The following GRM5 variants were observed in gnomAD, a reference collection of about 807,000 sequenced individuals.
GRM5 encodes the protein metabotropic glutamate receptor 5.
A neutral mutation model predicts 83.1 loss-of-function variants in GRM5; 19 were observed. The observed-to-expected ratio is 0.23, with a 90% CI of 0.16 to 0.34. The LOEUF is 0.34. Ranked by LOEUF, GRM5 falls within the 10% of genes least tolerant of loss-of-function variation. GRM5 has a pLI of 1.00. For missense variants in GRM5, 1,160 were observed against 1,588.3 expected (o/e 0.73, Z 4.58); for synonymous variants, 675 against 633.6 (o/e 1.07, Z -0.98).
In GRM5 at chr11:88,902,054, C is replaced by A. The variant is rs571871840; in HGVS notation, c.662-51899G>T. ...CTTTATTCTTTATGGTTTAGACGAT[C>A]CCCTGAGAAGGTCCCAAAATGCCGT... On this transcript the variant is annotated intron_variant, in intron 2 of 9. Transcript: ENST00000305447. Among the ~76,000 whole-genome samples the A allele has an allele frequency of 1.4e-3, 207 of 152,194 alleles. 1 individual carries two copies. Among genetic ancestry groups the A allele is most frequent in the Middle Eastern group, 3.4e-3 (1 of 294 alleles).
At chr11:88,978,474 T>TAAAAAAAAAAAAAA (rs200343438) in intron 2 of GRM5, among the ~76,000 whole-genome samples, 3 of 97,988 alleles carry the variant, frequency 3.1e-5, no homozygotes, top group Non-Finnish European at 6.3e-5. Flanking sequence ...CAGATGAGCT[T>TAAAAAAAAAAAAAA]AAAAAAAAAA....
chr11:88,787,320 G>A (rs896916438), intron 3 of GRM5, among the ~76,000 whole-genome samples: 3 of 151,768 alleles, frequency 2.0e-5, no homozygotes, highest in Admixed American at 2.0e-4. Flanking sequence ...AAATATCCAG[G>A]GCAGGAAAGA....
intron 3 of GRM5, among the ~76,000 whole-genome samples, chr11:88,785,845 G>T (rs116248487): frequency 6.6e-6 from 1 of 152,202 alleles, no homozygotes; most frequent in African/African-American, 2.4e-5. Context: ...TTCAGGCAGG[G>T]TGGAAAGTAA....
intron 2 of GRM5, among the ~76,000 whole-genome samples, chr11:88,987,507 C>G (rs1471475330): frequency 2.0e-5 from 3 of 151,904 alleles, no homozygotes; most frequent in African/African-American, 7.3e-5. Context: ...TGGAGCCCAC[C>G]ACAGCTCAAG....
At chr11:88,988,709 C>T (rs1461617870) in intron 2 of GRM5, among the ~76,000 whole-genome samples, 1 of 151,540 alleles carries the variant, frequency 6.6e-6, no homozygotes, top group Non-Finnish European at 1.5e-5. Flanking sequence ...CAATACTCAA[C>T]ATTCTTAAAG....
intron 4 of GRM5, among the ~76,000 whole-genome samples, chr11:88,618,537 C>T (rs1938545050): frequency 1.3e-5 from 2 of 151,272 alleles, no homozygotes; most frequent in Admixed American, 1.3e-4. Context: ...TTATTGAGTA[C>T]TTACTGCATG....
intron 2 of GRM5, among the ~76,000 whole-genome samples, chr11:88,997,454 TAAC>T (rs1161369842): frequency 7.0e-6 from 1 of 142,590 alleles, no homozygotes; most frequent in Non-Finnish European, 1.5e-5. Flanking sequence ...ATAAATATAA[TAAC>T]AAAAATTAAT....
At position 88,868,754 on chromosome 11, in the gene GRM5, G is replaced by A. The variant is rs140057218; in HGVS notation, c.662-18599C>T. On this transcript the variant is annotated intron_variant, in intron 2 of 9. Transcript: ENST00000305447. ...TCAGTAGTTTTTCCAAAGTAACAGC[G>A]TCTTAGTACTTCTTAAAAACATGGT... Among the ~76,000 whole-genome samples, 1,366 of 151,774 alleles carry A rather than the reference G, an allele frequency of 9.0e-3. 13 individuals are homozygous for A. Among genetic ancestry groups the A allele is most frequent in the African/African-American group, 0.024 (991 of 41,482 alleles).
chr11:88,808,464 C>T (rs1397202721), intron 3 of GRM5, among the ~76,000 whole-genome samples: 1 of 151,868 alleles, frequency 6.6e-6, no homozygotes, highest in East Asian at 1.9e-4. Flanking sequence ...TTTAATGTTT[C>T]CACTATACAG....
intron 2 of GRM5, among the ~76,000 whole-genome samples, chr11:88,978,111 A>G (rs112596626): frequency 1.3e-5 from 2 of 152,202 alleles, no homozygotes; most frequent in African/African-American, 4.8e-5. Flanking sequence ...AGCCTGCTCT[A>G]AAATACAAGA....
chr11:88,880,453 T>C (rs778371827), intron 2 of GRM5, among the ~76,000 whole-genome samples: 18 of 152,158 alleles, frequency 1.2e-4, no homozygotes, highest in African/African-American at 4.3e-4. Flanking sequence ...GGACCCCAAA[T>C]TGGCATAGTT....
intron 7 of GRM5, among the ~76,000 whole-genome samples, chr11:88,573,917 T>C (rs574239464): frequency 6.6e-6 from 1 of 152,366 alleles, no homozygotes; most frequent in South Asian, 2.1e-4. Flanking sequence ...GATCCTTTAA[T>C]ATTTTTTCTT....
intron 2 of GRM5, among the ~76,000 whole-genome samples, chr11:88,977,045 T>C (rs1352886169): frequency 2.0e-5 from 3 of 151,718 alleles, no homozygotes; most frequent in Admixed American, 2.0e-4. Context: ...GTGGGGAGAT[T>C]TAGAGTCTAG....
At chr11:88,635,701 T>A (rs1939098817) in intron 4 of GRM5, among the ~76,000 whole-genome samples, 1 of 152,208 alleles carries the variant, frequency 6.6e-6, no homozygotes. Context: ...AAATTCCTTG[T>A]CTATTTTTGT....
chr11:88,639,087 T>A (rs1407583486), intron 4 of GRM5, among the ~76,000 whole-genome samples: 1 of 152,178 alleles, frequency 6.6e-6, no homozygotes, highest in Non-Finnish European at 1.5e-5. Flanking sequence ...TTTTCCCTAA[T>A]ATTTAATGCT....
chr11:89,043,160 C>T (rs1489618329), intron 2 of GRM5, among the ~76,000 whole-genome samples: 7 of 152,088 alleles, frequency 4.6e-5, no homozygotes, highest in African/African-American at 1.4e-4. Context: ...TGGTGAGCTA[C>T]GTACTTCACT....
chr11:88,887,357 G>C (rs1421965176), intron 2 of GRM5, among the ~76,000 whole-genome samples: 1 of 152,088 alleles, frequency 6.6e-6, no homozygotes, highest in Non-Finnish European at 1.5e-5. Flanking sequence ...ATCAGGTATA[G>C]ATTTCAGTCT....
At chr11:88,913,296 C>T (rs1945531174) in intron 2 of GRM5, among the ~76,000 whole-genome samples, 1 of 152,112 alleles carries the variant, frequency 6.6e-6, no homozygotes, top group Non-Finnish European at 1.5e-5. Context: ...CTCACCCGCT[C>T]AAGATCCAGT....
intron 3 of GRM5, among the ~76,000 whole-genome samples, chr11:88,678,056 T>G (rs1391567734): frequency 1.5e-5 from 1 of 68,914 alleles, no homozygotes; most frequent in Non-Finnish European, 2.7e-5. Flanking sequence ...CATTTTTAAT[T>G]TCTGAATTTT....
Sources: allele counts gnomAD v4.1 joint callset (sites outside exome capture counted in the v4.1 genomes callset), GRCh38; gene constraint gnomAD v4.1.1; transcripts MANE v1.5; gene names NCBI Gene and HGNC (gene_info 2026-07-23, HGNC 2026-07-21).